The following BMP4 variants were observed in gnomAD, a reference collection of about 807,000 sequenced individuals.
The protein encoded by BMP4 is bone morphogenetic protein 2B.
In BMP4, 3 loss-of-function variants were observed where a neutral mutation model predicts 29.6. The ratio of observed to expected loss-of-function variants is 0.10; its 90% confidence interval spans 0.05 to 0.26. The LOEUF is 0.26. Ranked by LOEUF, BMP4 falls within the 10% of genes least tolerant of loss-of-function variation. The probability of loss-of-function intolerance (pLI) is 1.00; values close to 1 mark genes in which losing one functional copy is unlikely to be tolerated. For missense variants in BMP4, 455 were observed against 550.2 expected (o/e 0.83, Z 1.73); for synonymous variants, 197 against 213.2 (o/e 0.92, Z 0.66).
Position 53,952,144 on chromosome 14 carries a change from T to A in BMP4, c.79A>T (p.Ile27Leu). ...LLGGASHASL[I>L]PETGKKKVAE... ...ACTTTTTTCTTCCCCGTCTCAGGTA[T>A]CAAACTAGCATGGCTCGCGCCTCCT... Residue 27 changes from isoleucine (I) to leucine (L), a missense_variant, in exon 3 of 4, where the codon ATA becomes TTA. Coordinates refer to ENST00000245451, the MANE Select transcript of BMP4 (RefSeq NM_001202.6). 6.2e-7 allele frequency: 1 copy of A among 1,613,988 alleles called. No individual in the cohort carries two copies. The highest frequency in any genetic ancestry group is 8.5e-7 in the Non-Finnish European group (1 of 1,179,900).
chr14:53,956,334 A>C (rs1311036596), intron 1 of BMP4, among the ~76,000 whole-genome samples: 2 of 151,902 alleles, frequency 1.3e-5, no homozygotes, highest in African/African-American at 2.4e-5. Context: ...CAAAGGTGAG[A>C]ATCTCCCAGG....
chr14:53,950,586 T>A lies in BMP4; in HGVS notation c.673A>T (p.Thr225Ser), dbSNP rs144556455. ...CCATAGTTTGGCTGCTTCTCCCGGG[T>A]CCAGCGAAGGACCGCAGGGCTCACA... ...FDVSPAVLRW[T>S]REKQPNYGLA... is the part of the protein sequence containing the mutation. The change falls in exon 4 of 4, where the codon ACC becomes TCC. Residue 225 changes from threonine to serine, a missense_variant. By Grantham distance (58) the Thr-to-Ser change is moderately conservative. Coordinates refer to ENST00000245451, the MANE Select transcript of BMP4 (RefSeq NM_001202.6). The surrounding 1 kb of genome is among the most constrained non-coding windows in gnomAD (Gnocchi z 5.4). 1.2e-5 allele frequency: 20 copies of A among 1,614,166 alleles called. No individual in the cohort carries two copies. Among genetic ancestry groups the A allele is most frequent in the Non-Finnish European group, 1.6e-5 (19 of 1,180,018 alleles).
chr14:53,954,853 G>A lies in BMP4; in HGVS notation c.-132-1453C>T, dbSNP rs917686032. Among the ~76,000 whole-genome samples the A allele has an allele frequency of 1.3e-5, 2 of 152,154 alleles. No individual in the cohort carries two copies. The highest frequency in any genetic ancestry group is 2.9e-5 in the Non-Finnish European group (2 of 68,014). ...AGGCTGTTCCCAGTTGCTGCTTTGGGTCGCTCCGGAGCTCAAGAACTCGGG... is the reference window on the plus strand; with the variant it reads ...AGGCTGTTCCCAGTTGCTGCTTTGGATCGCTCCGGAGCTCAAGAACTCGGG... On this transcript the variant is annotated intron_variant, in intron 1 of 3. Coordinates refer to ENST00000245451, the MANE Select transcript of BMP4 (RefSeq NM_001202.6). The surrounding 1 kb of genome is among the most constrained non-coding windows in gnomAD (Gnocchi z 4.8).
Position 53,949,975 on chromosome 14 carries a change from G to GT in BMP4, c.*56dup. On this transcript the variant is annotated 3_prime_UTR_variant, in exon 4 of 4. Transcript: ENST00000245451. ...GTGGATGGGAACGTGTGTGTGTGGT[G>GT]TATGTGGTGTGTGTGTGTGGTGTGT... is the stretch of plus-strand genomic sequence containing the variant. The GT allele has an allele frequency of 6.3e-7, 1 of 1,585,032 alleles. No homozygotes were observed. The highest frequency in any genetic ancestry group is 8.6e-7 in the Non-Finnish European group (1 of 1,158,098).
At position 53,951,877 on chromosome 14, in the gene BMP4, T is replaced by C. The variant is rs758526357; in HGVS notation, c.346A>G (p.Thr116Ala). The C allele has an allele frequency of 6.3e-7, 1 of 1,599,846 alleles. No homozygotes were observed. The highest frequency in any genetic ancestry group is 8.5e-7 in the Non-Finnish European group (1 of 1,179,900). ...YPERPASRAN[T>A]VRSFHHEEHL... ...CCTTCGTGGTGGAAGCTCCTCACGGTGTTGGCCCGGCTGGCCGGGCGCTCA... is the reference window on the plus strand; with the variant it reads ...CCTTCGTGGTGGAAGCTCCTCACGGCGTTGGCCCGGCTGGCCGGGCGCTCA... The change falls in exon 3 of 4, where the codon ACC (threonine) becomes GCC (alanine). Residue 116 changes from threonine (T) to alanine (A), a missense_variant. Coordinates refer to ENST00000245451, the MANE Select transcript of BMP4 (RefSeq NM_001202.6).
At chr14:53,951,590 G>A in intron 3 of BMP4, 1 of 462,442 alleles carries the variant, frequency 2.2e-6, no homozygotes, top group Middle Eastern at 5.7e-4. Context: ...AGCAGAAAAG[G>A]CTTTGATATA....
At chr14:53,951,613 C>T (rs764194235) in intron 3 of BMP4, 61 of 578,186 alleles carry the variant, frequency 1.1e-4, no homozygotes, top group Non-Finnish European at 1.7e-4. Context: ...AAAAACACAC[C>T]GCTGGGGCTA....
chr14:53,949,974 T>C lies in BMP4; in HGVS notation c.*58A>G. The C allele has an allele frequency of 1.9e-6, 3 of 1,583,650 alleles. No homozygotes were observed. Among genetic ancestry groups the C allele is most frequent in the Non-Finnish European group, 8.6e-7 (1 of 1,157,698 alleles). ...AGTGGATGGGAACGTGTGTGTGTGG[T>C]GTATGTGGTGTGTGTGTGTGGTGTG... On this transcript the variant is annotated 3_prime_UTR_variant, in exon 4 of 4. Transcript: ENST00000245451.
In BMP4 at chr14:53,950,930, G is replaced by A. The variant is rs770926509; in HGVS notation, c.371-42C>T. ...AGGAAGGGGAAAAGAAAAAGCATAT[G>A]AACTTTTTTCAAAGATGGAAGAGTC... On this transcript the variant is annotated intron_variant, in intron 3 of 3. Coordinates refer to ENST00000245451, the MANE Select transcript of BMP4 (RefSeq NM_001202.6). This position sits in a 1 kb window ranked among gnomAD's most constrained non-coding sequence, Gnocchi z 5.4. The A allele has an allele frequency of 1.3e-6, 2 of 1,597,916 alleles. No homozygotes were observed. Among genetic ancestry groups the A allele is most frequent in the Non-Finnish European group, 1.7e-6 (2 of 1,179,614 alleles).
In BMP4 at chr14:53,950,557, T is replaced by A. The variant is rs145066457; in HGVS notation, c.702A>T (p.Leu234=). 3.2e-5 allele frequency: 51 copies of A among 1,614,110 alleles called. No homozygotes were observed. The highest frequency in any genetic ancestry group is 4.3e-5 in the Non-Finnish European group (51 of 1,180,050). The change falls in exon 4 of 4, where the codon CTA becomes CTT. Residue 234 remains leucine (L), a synonymous_variant. Coordinates refer to ENST00000245451, the MANE Select transcript of BMP4 (RefSeq NM_001202.6). The surrounding 1 kb of genome is among the most constrained non-coding windows in gnomAD (Gnocchi z 5.4). ...GATGGAGGTGAGTCACCTCAATGGCTAGCCCATAGTTTGGCTGCTTCTCCC... is the reference window on the plus strand; with the variant it reads ...GATGGAGGTGAGTCACCTCAATGGCAAGCCCATAGTTTGGCTGCTTCTCCC... ...WTREKQPNYG[L]AIEVTHLHQT...
rs554622088 is a variant in BMP4 at position 53,954,709 on chromosome 14, C to G, written c.-132-1309G>C. 6.6e-6 allele frequency among the ~76,000 whole-genome samples: 1 copy of G among 152,130 alleles called. No homozygotes were observed. Among genetic ancestry groups the G allele is most frequent in the Non-Finnish European group, 1.5e-5 (1 of 68,028 alleles). Reference sequence around the variant, plus strand: ...GGGTCGCTCTGCGCAAGGGCCTCTTCGAAAACCCGACTAGGCGCAACTCAG... The same window carrying G: ...GGGTCGCTCTGCGCAAGGGCCTCTTGGAAAACCCGACTAGGCGCAACTCAG... On this transcript the variant is annotated intron_variant, in intron 1 of 3. Transcript: ENST00000245451. The surrounding 1 kb of genome is among the most constrained non-coding windows in gnomAD (Gnocchi z 4.8).
In BMP4 at chr14:53,952,307, A is replaced by G. The variant is rs1437563644; in HGVS notation, c.-7-78T>C. 6 of 1,527,850 alleles carry G rather than the reference A, an allele frequency of 3.9e-6. No homozygotes were observed. In the African/African-American group the frequency reaches 5.5e-5, roughly 14 times the overall value. The allele number at this position is 1,527,850 out of a possible 1,614,324, so 94.6% of individuals were successfully genotyped here. On this transcript the variant is annotated intron_variant, in intron 2 of 3. Coordinates refer to ENST00000245451, the MANE Select transcript of BMP4 (RefSeq NM_001202.6). ...TAGGGAGAAATAGAGATGTGTCTGC[A>G]TATGCATTTAGGGCTAGAAATGGAG...
intron 3 of BMP4, chr14:53,951,415 A>G (rs567622909): frequency 3.2e-4 from 68 of 211,412 alleles, no homozygotes; most frequent in African/African-American, 1.4e-3. Flanking sequence ...ATTCCAACAC[A>G]GTAATGATGC....
Position 53,950,897 on chromosome 14 carries a change from A to G in BMP4, c.371-9T>C, listed in dbSNP as rs1447119685. The stretch of plus-strand genomic sequence containing the variant: ...GATGTTCTCCAGATGTTCTAGGCAC[A>G]GTTAGGAAGGAAGGGGAAAAGAAAA... On this transcript the variant is annotated splice_polypyrimidine_tract_variant and intron_variant, in intron 3 of 3. Coordinates refer to ENST00000245451, the MANE Select transcript of BMP4 (RefSeq NM_001202.6). The surrounding 1 kb of genome is among the most constrained non-coding windows in gnomAD (Gnocchi z 5.4). 5 of 1,600,770 alleles carry G rather than the reference A, an allele frequency of 3.1e-6. No homozygotes were observed. The highest frequency in any genetic ancestry group is 2.2e-5 in the East Asian group (1 of 44,890).
In BMP4 at chr14:53,956,816, C is replaced by T. The variant is rs1489341420; in HGVS notation, c.-399G>A. On this transcript the variant is annotated 5_prime_UTR_variant, in exon 1 of 4. Coordinates refer to ENST00000245451, the MANE Select transcript of BMP4 (RefSeq NM_001202.6). ...CTCCCTCCCTCCTCCTCTGCCTTCT[C>T]GCATCTTCCTTCCTCCTCTTTCCCT... The T allele has an allele frequency of 7.5e-6, 3 of 398,518 alleles. No homozygotes were observed. Among genetic ancestry groups the T allele is most frequent in the African/African-American group, 2.1e-5 (1 of 48,508 alleles). 24.7% of individuals were successfully genotyped at this position (398,518 alleles called of 1,614,324 possible). A position where few individuals can be genotyped will look rare whatever the true frequency, so the allele number is the denominator to read the frequency against.
intron 1 of BMP4, among the ~76,000 whole-genome samples, chr14:53,953,722 G>A (rs1895580014): frequency 6.6e-6 from 1 of 151,994 alleles, no homozygotes; most frequent in Non-Finnish European, 1.5e-5. Flanking sequence ...TTCTCGGCGC[G>A]GTGCGTCGTG....
chr14:53,952,892 G>A (rs1895521676), intron 2 of BMP4, among the ~76,000 whole-genome samples: 2 of 152,190 alleles, frequency 1.3e-5, no homozygotes, highest in Non-Finnish European at 2.9e-5. Context: ...GAAGGGGTGA[G>A]AGACGATTCC....
intron 1 of BMP4, 93 bp from the exon 2 acceptor site, chr14:53,953,493 T>A (rs1464269508): frequency 2.5e-6 from 1 of 394,618 alleles, no homozygotes; most frequent in Non-Finnish European, 4.5e-6. Flanking sequence ...CCGAGGCCCC[T>A]CCCGCGGCAG....
chr14:53,954,106 G>A lies in BMP4; in HGVS notation c.-132-706C>T, dbSNP rs1203346153. Among the ~76,000 whole-genome samples, 1 of 151,994 alleles carries A rather than the reference G, an allele frequency of 6.6e-6. No individual in the cohort carries two copies. The highest frequency in any genetic ancestry group is 1.5e-5 in the Non-Finnish European group (1 of 67,988). On this transcript the variant is annotated intron_variant, in intron 1 of 3. Transcript: ENST00000245451. This position sits in a 1 kb window ranked among gnomAD's most constrained non-coding sequence, Gnocchi z 4.8. ...GGCTGAAAGCAGCCGACCTTGTCAC[G>A]CGCGGGGCCGGGAATGGGAGGGAGG...
Sources: gnomAD v4.1 joint callset for allele counts (sites outside exome capture counted in the v4.1 genomes callset) on GRCh38, gnomAD v4.1.1 for gene constraint, Gnocchi (gnomAD v3.1) non-coding constraint, MANE v1.5 for transcripts, NCBI Gene and HGNC (gene_info 2026-07-23, HGNC 2026-07-21) for gene names.